FANCI: variants seen among roughly 807,000 people sequenced by gnomAD.
FANCI encodes Fanconi anemia group I protein.
FANCI carries 156 observed loss-of-function variants against 176.1 expected under a neutral mutation model. The observed-to-expected ratio is 0.89, with a 90% CI of 0.78 to 1.01. FANCI has a LOEUF of 1.01. Ranked by LOEUF, FANCI falls within the 50% of genes least tolerant of loss-of-function variation. The pLI is 0.00. For missense variants in FANCI, 1,678 were observed against 1,534.1 expected (o/e 1.09, Z -1.57); for synonymous variants, 613 against 541.7 (o/e 1.13, Z -1.83).
chr15:89,306,007 A>G lies in FANCI; in HGVS notation c.3350A>G (p.Glu1117Gly), dbSNP rs1355701697. 1 of 1,614,058 alleles carries G rather than the reference A, an allele frequency of 6.2e-7. No individual in the cohort carries two copies. Among genetic ancestry groups the G allele is most frequent in the Admixed American group, 1.7e-5 (1 of 60,008 alleles). ...KGQVSQETLSEEASSQATLPN... is the reference protein window; with the variant it reads ...KGQVSQETLSGEASSQATLPN... ...ATGTGCCAATTTTATTTCCCTTTAG[A>G]AGAGGCCTCTTCTCAGGCAACCCTA... Residue 1117 changes from glutamate to glycine, a missense_variant and splice_region_variant, in exon 32 of 38, where the codon GAA (glutamate) becomes GGA (glycine). Around this residue, in one of 3 missense-constraint regions of FANCI, gnomAD observed 1,204 missense variants for 1,077.4 expected, o/e 1.12. Coordinates refer to ENST00000310775, the MANE Select transcript of FANCI (RefSeq NM_001113378.2).
At chr15:89,245,468 A>G (rs2051923493) in intron 1 of FANCI, among the ~76,000 whole-genome samples, 1 of 146,056 alleles carries the variant, frequency 6.8e-6, no homozygotes. Context: ...AAGTGCTGAG[A>G]TTACAGGCGT....
At position 89,270,011 on chromosome 15, in the gene FANCI, A is replaced by G. The variant is rs182779773; in HGVS notation, c.882+1486A>G. Among the ~76,000 whole-genome samples the G allele has an allele frequency of 1.8e-4, 28 of 152,274 alleles. No individual in the cohort carries two copies. In the East Asian group the frequency reaches 5.0e-3, roughly 27 times the overall value. ...TTTTTAATAGAGGTGGGGTTTCGCC[A>G]TATTGGCCAGGCTGGTCTTCAACTC... On this transcript the variant is annotated intron_variant, in intron 10 of 37. Transcript: ENST00000310775.
At chr15:89,258,523 C>A (rs992021968) in intron 2 of FANCI, among the ~76,000 whole-genome samples, 181 bp from the exon 3 acceptor site, 2 of 152,162 alleles carry the variant, frequency 1.3e-5, no homozygotes, top group African/African-American at 2.4e-5. Flanking sequence ...AGATTTTAGT[C>A]TTGACAATCC....
At chr15:89,251,234 G>A (rs1035340951) in intron 2 of FANCI, among the ~76,000 whole-genome samples, 1 of 152,060 alleles carries the variant, frequency 6.6e-6, no homozygotes, top group Admixed American at 6.6e-5. Context: ...TCTTAGGCAC[G>A]TACAGTTTAA....
At chr15:89,268,933 T>C (rs2053089746) in intron 10 of FANCI, among the ~76,000 whole-genome samples, 1 of 152,196 alleles carries the variant, frequency 6.6e-6, no homozygotes, top group Non-Finnish European at 1.5e-5. Context: ...TTGCATCTAG[T>C]AGTATATCGT....
chr15:89,302,171 G>A (rs2054546533), intron 27 of FANCI, among the ~76,000 whole-genome samples: 1 of 152,192 alleles, frequency 6.6e-6, no homozygotes, highest in African/African-American at 2.4e-5. Context: ...AAGCCCTGCG[G>A]TATACTCCTC....
intron 12 of FANCI, among the ~76,000 whole-genome samples, chr15:89,274,569 A>T (rs200299568): frequency 6.9e-6 from 1 of 145,180 alleles, no homozygotes; most frequent in East Asian, 2.0e-4. Context: ...CCATGATATT[A>T]CAATTCTCTA....
At chr15:89,308,586 A>C (rs1254401516) in intron 34 of FANCI, among the ~76,000 whole-genome samples, 2 of 152,342 alleles carry the variant, frequency 1.3e-5, no homozygotes, top group Non-Finnish European at 2.9e-5. Flanking sequence ...TTACAGGCAC[A>C]ATATCATTCT....
rs76445242 is a variant in FANCI, at chr15:89,275,038, C to T, written c.1112+734C>T. Among the ~76,000 whole-genome samples, 548 of 151,194 alleles carry T rather than the reference C, an allele frequency of 3.6e-3. 5 individuals carry two copies. Among genetic ancestry groups the T allele is most frequent in the African/African-American group, 0.013 (527 of 41,248 alleles). Reference sequence around the variant, plus strand: ...TCAAGTGATGCTCCCACCTCAGTAGCTGGGACTATAGGCATGTAGCCCTGT... The same window carrying T: ...TCAAGTGATGCTCCCACCTCAGTAGTTGGGACTATAGGCATGTAGCCCTGT... On this transcript the variant is annotated intron_variant, in intron 12 of 37. Coordinates refer to ENST00000310775, the MANE Select transcript of FANCI (RefSeq NM_001113378.2).
In FANCI at chr15:89,303,748, C is replaced by T. The variant is rs2054609328; in HGVS notation, c.3007-116C>T. ...TATATTACCACTTGAGATCTAAGGACATGTTTTGGCAGCTGATTTGCTTAG... is the reference window on the plus strand; with the variant it reads ...TATATTACCACTTGAGATCTAAGGATATGTTTTGGCAGCTGATTTGCTTAG... On this transcript the variant is annotated intron_variant, in intron 27 of 37. Coordinates refer to ENST00000310775, the MANE Select transcript of FANCI (RefSeq NM_001113378.2). The T allele has an allele frequency of 3.7e-6, 3 of 806,846 alleles. No individual in the cohort carries two copies. The African/African-American group carries it at 5.1e-5, about 14-fold the overall frequency. 50.0% of individuals were successfully genotyped at this position (806,846 alleles called of 1,614,324 possible). A position where few individuals can be genotyped will look rare whatever the true frequency, so the allele number is the denominator to read the frequency against.
chr15:89,307,691 G>A lies in FANCI; in HGVS notation c.3651+19G>A, dbSNP rs73472624. 4,953 of 1,614,084 alleles carry A rather than the reference G, an allele frequency of 3.1e-3. 116 individuals are homozygous for A. In the African/African-American group the frequency reaches 0.059, roughly 19 times the overall value. ...CGTACAGGTAAGAGATTCAGAGGCAGTACCCAATAGGTCTTCAAGAAAGGA... is the reference window on the plus strand; with the variant it reads ...CGTACAGGTAAGAGATTCAGAGGCAATACCCAATAGGTCTTCAAGAAAGGA... On this transcript the variant is annotated intron_variant, in intron 34 of 37. Coordinates refer to ENST00000310775, the MANE Select transcript of FANCI (RefSeq NM_001113378.2).
intron 28 of FANCI, 62 bp from the exon 29 acceptor site, chr15:89,305,053 G>A: frequency 6.2e-7 from 1 of 1,601,042 alleles, no homozygotes; most frequent in Admixed American, 1.7e-5. Context: ...TGGGATTACA[G>A]GCGTGAGCCA....
At chr15:89,272,011 AT>A (rs1390114093) in intron 10 of FANCI, among the ~76,000 whole-genome samples, 1 of 152,124 alleles carries the variant, frequency 6.6e-6, no homozygotes, top group East Asian at 1.9e-4. Flanking sequence ...TTATGTTTAT[AT>A]TTTTAAGAAA....
intron 24 of FANCI, among the ~76,000 whole-genome samples, chr15:89,298,069 CAAA>C (rs934097644): frequency 6.6e-6 from 1 of 151,292 alleles, no homozygotes; most frequent in African/African-American, 2.4e-5. Context: ...TCTCCATAGT[CAAA>C]AAACAGAAAA....
At chr15:89,288,412 T>G (rs1236666415) in intron 18 of FANCI, among the ~76,000 whole-genome samples, 2 of 152,194 alleles carry the variant, frequency 1.3e-5, no homozygotes, top group African/African-American at 4.8e-5. Flanking sequence ...CTTAAACCTA[T>G]TAGAATATTG....
chr15:89,249,446 C>T (rs764287041), intron 2 of FANCI, among the ~76,000 whole-genome samples: 5 of 152,198 alleles, frequency 3.3e-5, no homozygotes, highest in Non-Finnish European at 7.3e-5. Flanking sequence ...CTCCTGGGCT[C>T]ATGCGATCCT....
chr15:89,288,335 C>A (rs562519186), intron 18 of FANCI, among the ~76,000 whole-genome samples: 1 of 151,884 alleles, frequency 6.6e-6, no homozygotes, highest in Non-Finnish European at 1.5e-5. Context: ...CCCCTTCCCC[C>A]CCAAAAAAAA....
chr15:89,265,184 A>G (rs1435087855), intron 9 of FANCI, among the ~76,000 whole-genome samples: 1 of 152,086 alleles, frequency 6.6e-6, no homozygotes, highest in Admixed American at 6.6e-5. Flanking sequence ...TGTCTGAGAA[A>G]GAGGATTTTG....
At chr15:89,270,666 C>T (rs1158730284) in intron 10 of FANCI, among the ~76,000 whole-genome samples, 1 of 152,156 alleles carries the variant, frequency 6.6e-6, no homozygotes, top group African/African-American at 2.4e-5. Context: ...TATCATTATG[C>T]ACTCATGAAC....
Sources: gnomAD v4.1 joint callset for allele counts (sites outside exome capture counted in the v4.1 genomes callset) on GRCh38, gnomAD v4.1.1 for gene constraint, gnomAD v4.1.1 regional missense constraint, MANE v1.5 for transcripts, NCBI Gene and HGNC (gene_info 2026-07-23, HGNC 2026-07-21) for gene names.